The following TMC3 variants were observed in gnomAD, a reference collection of about 807,000 sequenced individuals.
TMC3 encodes transmembrane channel like 3.
In TMC3, 98 loss-of-function variants were observed where a neutral mutation model predicts 110.6. That is an observed-to-expected ratio of 0.89 (90% CI 0.75 to 1.05). The LOEUF (loss-of-function observed/expected upper bound fraction) is 1.05. TMC3 is among the 50% of genes least tolerant of loss of function. The pLI is 0.00. For synonymous variants in TMC3, 489 were observed against 513.1 expected, an observed-to-expected ratio of 0.95 and a Z score of 0.63; for missense variants, 1,319 against 1,373.2, an observed-to-expected ratio of 0.96 and a Z score of 0.62.
Position 81,333,197 on chromosome 15 carries a change from G to A in TMC3, c.2525C>T (p.Thr842Ile), listed in dbSNP as rs756619123. 3 of 1,614,036 alleles carry A rather than the reference G, an allele frequency of 1.9e-6. No individual in the cohort carries two copies. Among genetic ancestry groups the A allele is most frequent in the Non-Finnish European group, 2.5e-6 (3 of 1,179,900 alleles). Residue 842 changes from threonine to isoleucine, a missense_variant, in exon 22 of 22, where the codon ACA (threonine) becomes ATA (isoleucine). Physicochemically the swap from Thr to Ile is moderately conservative, Grantham distance 89. Coordinates refer to ENST00000359440, the MANE Select transcript of TMC3 (RefSeq NM_001080532.3). ...LHRNRSRTPM[T>I]FTTHIEDVHS... Reference sequence around the variant, plus strand: ...TACATCTTCGATGTGCGTTGTAAATGTCATAGGTGTGCGCGATCTGTTCCT... The same window carrying A: ...TACATCTTCGATGTGCGTTGTAAATATCATAGGTGTGCGCGATCTGTTCCT...
At chr15:81,358,580 G>T in intron 5 of TMC3, 80 bp from the exon 6 acceptor site, 1 of 1,178,590 alleles carries the variant, frequency 8.5e-7, no homozygotes, top group Non-Finnish European at 1.2e-6. Flanking sequence ...ATCTCCATGT[G>T]CTTGTGAAAA....
chr15:81,342,017 A>G (rs1307305493), intron 15 of TMC3, among the ~76,000 whole-genome samples: 1 of 152,238 alleles, frequency 6.6e-6, no homozygotes, highest in Non-Finnish European at 1.5e-5. Context: ...TTGATAGACA[A>G]CAAGGGCAGA....
chr15:81,334,773 A>T lies in TMC3; in HGVS notation c.2406T>A (p.Pro802=). The T allele has an allele frequency of 6.2e-7, 1 of 1,613,998 alleles. No homozygotes were observed. Among genetic ancestry groups the T allele is most frequent in the Non-Finnish European group, 8.5e-7 (1 of 1,179,870 alleles). Residue 802 remains proline (P), a synonymous_variant, in exon 21 of 22, where the codon CCT becomes CCA. Transcript: ENST00000359440. ...TGGGGACCCCAGGGAGAGGTGAGCT[A>T]GGAGCCCTGTCCCCTGGCCTCGGGC... ...PQSPRPGDRA[P]SSPLPGVPKS... is the part of the protein sequence containing the mutation.
chr15:81,366,793 C>T (rs541499409), intron 3 of TMC3, among the ~76,000 whole-genome samples: 3 of 152,128 alleles, frequency 2.0e-5, no homozygotes, highest in Admixed American at 6.5e-5. Flanking sequence ...AAGATGTGTC[C>T]TTAGGGATTC....
chr15:81,359,761 A>G (rs991817413), intron 4 of TMC3, among the ~76,000 whole-genome samples: 3 of 152,184 alleles, frequency 2.0e-5, no homozygotes, highest in South Asian at 4.1e-4. Context: ...CAAATTTACA[A>G]TATTTCATGT....
intron 8 of TMC3, among the ~76,000 whole-genome samples, chr15:81,356,117 C>T (rs1394355989): frequency 1.3e-5 from 2 of 152,060 alleles, no homozygotes; most frequent in Admixed American, 1.3e-4. Flanking sequence ...GCCTATATCC[C>T]TCACATATAT....
At chr15:81,357,452 C>T (rs527432924) in intron 7 of TMC3, among the ~76,000 whole-genome samples, 108 of 152,004 alleles carry the variant, frequency 7.1e-4, no homozygotes, top group Non-Finnish European at 1.3e-3. Context: ...TTTGGAGCCT[C>T]CTTATCAGTC....
intron 11 of TMC3, among the ~76,000 whole-genome samples, chr15:81,347,670 T>A (rs1422740672): frequency 6.6e-6 from 1 of 152,236 alleles, no homozygotes; most frequent in African/African-American, 2.4e-5. Flanking sequence ...TGTCTTATGC[T>A]TATTACCAGA....
Position 81,351,848 on chromosome 15 carries a change from A to G in TMC3, c.936-7T>C. 6.2e-7 allele frequency: 1 copy of G among 1,611,970 alleles called. No individual in the cohort carries two copies. The highest frequency in any genetic ancestry group is 8.5e-7 in the Non-Finnish European group (1 of 1,179,062). On this transcript the variant is annotated splice_polypyrimidine_tract_variant and splice_region_variant and intron_variant, in intron 9 of 21. Transcript: ENST00000359440. ...CAGGCAGATGGTCACTGCCCTGGGG[A>G]GAGAAACAGGCATGAGAACGGTACA...
At chr15:81,365,686 G>A (rs5814060) in intron 3 of TMC3, among the ~76,000 whole-genome samples, 2,133 of 91,308 alleles carry the variant, frequency 0.023, 66 homozygotes, top group African/African-American at 0.043. Context: ...AAAAAAAAAA[G>A]AAAAAGAAAA....
chr15:81,365,287 T>C (rs1894285549), intron 3 of TMC3, among the ~76,000 whole-genome samples: 1 of 152,242 alleles, frequency 6.6e-6, no homozygotes, highest in Non-Finnish European at 1.5e-5. Context: ...AGTTGACTCT[T>C]CATTTGACCA....
Position 81,358,161 on chromosome 15 carries a change from A to G in TMC3, c.731T>C (p.Ile244Thr). Reference protein sequence around the residue: ...GMAVFAYSFIILLKKMAKNSR... With the variant: ...GMAVFAYSFITLLKKMAKNSR... Reference sequence around the variant, plus strand: ...TGAGCAGTCATACTTTTTTAAAAGAATGATGAAGCTGTAAGCAAACACTGC... The same window carrying G: ...TGAGCAGTCATACTTTTTTAAAAGAGTGATGAAGCTGTAAGCAAACACTGC... The change falls in exon 7 of 22, where the codon ATT (isoleucine) becomes ACT (threonine). Residue 244 changes from isoleucine to threonine, a missense_variant. Coordinates refer to ENST00000359440, the MANE Select transcript of TMC3 (RefSeq NM_001080532.3). The G allele has an allele frequency of 6.3e-7, 1 of 1,596,642 alleles. No individual in the cohort carries two copies. Among genetic ancestry groups the G allele is most frequent in the Non-Finnish European group, 8.5e-7 (1 of 1,173,740 alleles).
intron 2 of TMC3, among the ~76,000 whole-genome samples, chr15:81,371,222 C>T (rs11852698): frequency 0.016 from 2,365 of 152,182 alleles, 87 homozygotes; most frequent in African/African-American, 0.055. Flanking sequence ...CAGCTGATAA[C>T]GGACATGAAA....
chr15:81,373,762 G>T (rs887926707), intron 1 of TMC3, among the ~76,000 whole-genome samples: 1 of 152,150 alleles, frequency 6.6e-6, no homozygotes, highest in African/African-American at 2.4e-5. Context: ...GCAAGCTTTT[G>T]GATTCTGACC....
At chr15:81,341,555 C>G in intron 15 of TMC3, 37 bp from the exon 16 acceptor site, 1 of 1,592,300 alleles carries the variant, frequency 6.3e-7, no homozygotes, top group South Asian at 1.1e-5. Flanking sequence ...CATCTGTTCT[C>G]TTTCAGCCTA....
chr15:81,340,764 G>A (rs1186825900), intron 16 of TMC3, among the ~76,000 whole-genome samples: 1 of 152,168 alleles, frequency 6.6e-6, no homozygotes, highest in Non-Finnish European at 1.5e-5. Flanking sequence ...AGGTATATAT[G>A]CAACAAAGAT....
In TMC3 at chr15:81,372,349, G is replaced by GACACAC. The variant is rs371289786; in HGVS notation, c.236+236_236+241dup. 9.2e-3 allele frequency among the ~76,000 whole-genome samples: 1,076 copies of GACACAC among 116,834 alleles called. 16 individuals carry two copies. Among genetic ancestry groups the GACACAC allele is most frequent in the East Asian group, 0.02 (76 of 3,740 alleles). The allele number at this position is 116,834 out of a possible 152,430, so 76.6% of individuals were successfully genotyped here. A position where few individuals can be genotyped will look rare whatever the true frequency, so the allele number is the denominator to read the frequency against. The stretch of plus-strand genomic sequence containing the variant: ...TCTCTTTCTCTGTATCTGTCTCTCT[G>GACACAC]ACACACACACACACACACACACACA... On this transcript the variant is annotated intron_variant, in intron 2 of 21. Transcript: ENST00000359440.
chr15:81,356,147 T>C (rs1191614861), intron 8 of TMC3, among the ~76,000 whole-genome samples: 1 of 152,226 alleles, frequency 6.6e-6, no homozygotes, highest in Admixed American at 6.5e-5. Flanking sequence ...CATTTTCAGG[T>C]TATATACATG....
In TMC3 at chr15:81,343,303, A is replaced by C. The variant is rs762789667; in HGVS notation, c.1690T>G (p.Leu564Val). ...CAAATCATTCCTTGGTTGTAGACTA[A>C]ATGTAGCACATTCTCAGCTATTTTG... ...EFKIAENVLH[L>V]VYNQGMIWMG... Residue 564 changes from leucine (L) to valine (V), a missense_variant, in exon 15 of 22, where the codon TTA (leucine) becomes GTA (valine). Transcript: ENST00000359440. 1 of 1,610,774 alleles carries C rather than the reference A, an allele frequency of 6.2e-7. No individual in the cohort carries two copies. Among genetic ancestry groups the C allele is most frequent in the Non-Finnish European group, 8.5e-7 (1 of 1,176,942 alleles).
Sources: allele counts gnomAD v4.1 joint callset (sites outside exome capture counted in the v4.1 genomes callset), GRCh38; gene constraint gnomAD v4.1.1; transcripts MANE v1.5; gene names NCBI Gene and HGNC (gene_info 2026-07-23, HGNC 2026-07-21).